Variants in GCA observed in about 807,000 individuals in gnomAD.
GCA encodes grancalcin, EF-hand calcium-binding protein.
Under a neutral mutation model 32.6 loss-of-function variants are expected in GCA, and 30 were observed. The ratio of observed to expected loss-of-function variants is 0.92; its 90% CI spans 0.69 to 1.25. The LOEUF (loss-of-function observed/expected upper bound fraction) is 1.25. Among genes scored for constraint, GCA ranks in the 50% most tolerant of loss-of-function variants. GCA has a pLI of 0.00. For synonymous variants in GCA, 102 were observed against 84.6 expected (o/e 1.21, Z -1.13); for missense variants, 291 against 266.8 (o/e 1.09, Z -0.63).
At chr2:162,342,632 G>T (rs1045734239), upstream of GCA, among the ~76,000 whole-genome samples, 1 of 152,202 alleles carries the variant, frequency 6.6e-6, no homozygotes, top group Non-Finnish European at 1.5e-5. Flanking sequence ...GTGCAGAAAG[G>T]CAAGAAACCC....
downstream of GCA, among the ~76,000 whole-genome samples, chr2:162,373,035 C>T (rs966260458): frequency 6.6e-6 from 1 of 152,128 alleles, no homozygotes; most frequent in Non-Finnish European, 1.5e-5. Flanking sequence ...TCCTCCCCTT[C>T]CTTCCTGAGA....
At position 162,359,390 on chromosome 2, in the gene GCA, A is replaced by G. The variant is rs1685455955; in HGVS notation, c.569-104A>G. On this transcript the variant is annotated intron_variant, in intron 6 of 7. Coordinates refer to ENST00000437150, the MANE Select transcript of GCA (RefSeq NM_012198.5). ...TGCCAGGGCTATTCAATCACTTAAT[A>G]TTTAATTGAATATGAAATTATTCTT... 3 of 611,202 alleles carry G rather than the reference A, an allele frequency of 4.9e-6. No individual in the cohort carries two copies. In the African/African-American group the frequency reaches 5.7e-5, roughly 12 times the overall value. 37.9% of individuals were successfully genotyped at this position (611,202 alleles called of 1,614,324 possible). A position where few individuals can be genotyped will look rare whatever the true frequency, so the allele number is the denominator to read the frequency against.
chr2:162,352,239 G>T (rs1685037836), intron 2 of GCA, 99 bp from the exon 3 acceptor site: 2 of 696,720 alleles, frequency 2.9e-6, no homozygotes, highest in Non-Finnish European at 5.1e-6. Context: ...ATGTTTCAAA[G>T]AATGCATATG....
At chr2:162,355,013 T>A (rs1453749415) in intron 3 of GCA, among the ~76,000 whole-genome samples, 1 of 152,200 alleles carries the variant, frequency 6.6e-6, no homozygotes, top group Admixed American at 6.5e-5. Context: ...ATTCTCCCAC[T>A]TTATGAATGT....
downstream of GCA, among the ~76,000 whole-genome samples, chr2:162,372,253 C>T (rs1051862450): frequency 6.6e-6 from 1 of 152,134 alleles, no homozygotes; most frequent in Non-Finnish European, 1.5e-5. Context: ...GTCAGGACGT[C>T]GGAGATTGGT....
intron 5 of GCA, 45 bp from the exon 6 acceptor site, chr2:162,358,999 C>G (rs752898618): frequency 3.3e-6 from 3 of 901,088 alleles, no homozygotes; most frequent in Non-Finnish European, 5.4e-6. Flanking sequence ...TTGCAGTGTT[C>G]TTATGTTATT....
chr2:162,361,473 G>A lies in GCA; in HGVS notation c.*1230G>A, dbSNP rs1453321925. 3.1e-6 allele frequency: 3 copies of A among 974,542 alleles called. No individual in the cohort carries two copies. 60.4% of individuals were successfully genotyped at this position (974,542 alleles called of 1,614,324 possible). A position where few individuals can be genotyped will look rare whatever the true frequency, so the allele number is the denominator to read the frequency against. Reference sequence around the variant, plus strand: ...CAGTGAGTGACATAATTTTATGACTGCTGACCAAATTAATTTATAGATTTT... The same window carrying A: ...CAGTGAGTGACATAATTTTATGACTACTGACCAAATTAATTTATAGATTTT... On this transcript the variant is annotated 3_prime_UTR_variant, in exon 8 of 8. Transcript: ENST00000437150.
At chr2:162,329,665 A>G (rs1684007201) in intron 1 of GCA, among the ~76,000 whole-genome samples, 3 of 150,982 alleles carry the variant, frequency 2.0e-5, no homozygotes, top group African/African-American at 7.3e-5. Flanking sequence ...TTATTTTATT[A>G]TAATAATAAT....
chr2:162,335,662 T>C (rs557110026), intron 1 of GCA, among the ~76,000 whole-genome samples: 2 of 152,330 alleles, frequency 1.3e-5, no homozygotes, highest in South Asian at 2.1e-4. Context: ...CTTGTTTAGA[T>C]ATATTGAGTT....
chr2:162,373,571 T>C, downstream of GCA: 1 of 1,594,210 alleles, frequency 6.3e-7, no homozygotes, highest in East Asian at 2.3e-5. Context: ...GATCCTGCTG[T>C]TACCATACTG....
chr2:162,329,050 A>C (rs1683985985), intron 1 of GCA, among the ~76,000 whole-genome samples: 1 of 151,162 alleles, frequency 6.6e-6, no homozygotes, highest in Admixed American at 6.6e-5. Flanking sequence ...TCTTCTGCTG[A>C]TGTTCTCCTC....
chr2:162,319,427 T>C (rs2105241539), intron 1 of GCA: 1 of 232,916 alleles, frequency 4.3e-6, no homozygotes, highest in African/African-American at 2.3e-5. Context: ...ATATACAACT[T>C]TCCTTTAATA....
Position 162,360,636 on chromosome 2 carries a change from G to T in GCA, c.*393G>T. On this transcript the variant is annotated 3_prime_UTR_variant, in exon 8 of 8. Transcript: ENST00000437150. ...ATACTTATCTGAAGGTTACAAATTAGACTTTTAAATTTTCTTTGTAGTTGG... is the reference window on the plus strand; with the variant it reads ...ATACTTATCTGAAGGTTACAAATTATACTTTTAAATTTTCTTTGTAGTTGG... The T allele has an allele frequency of 8.1e-7, 1 of 1,242,042 alleles. No individual in the cohort carries two copies. Among genetic ancestry groups the T allele is most frequent in the South Asian group, 3.3e-5 (1 of 30,484 alleles). 76.9% of individuals were successfully genotyped at this position (1,242,042 alleles called of 1,614,324 possible).
At chr2:162,357,915 A>G (rs1409174363) in intron 5 of GCA, among the ~76,000 whole-genome samples, 1 of 151,708 alleles carries the variant, frequency 6.6e-6, no homozygotes, top group Non-Finnish European at 1.5e-5. Flanking sequence ...TTTTCTGAGA[A>G]TACTATGGGA....
intron 3 of GCA, among the ~76,000 whole-genome samples, chr2:162,354,156 C>T (rs1685140914): frequency 6.6e-6 from 1 of 152,000 alleles, no homozygotes; most frequent in South Asian, 2.1e-4. Context: ...GTGCTTTTCT[C>T]AGTTATCTGA....
chr2:162,359,240 A>G, intron 6 of GCA, 83 bp downstream of exon 6: 2 of 789,850 alleles, frequency 2.5e-6, no homozygotes, highest in Non-Finnish European at 2.2e-6. Flanking sequence ...CAGCAAGTTT[A>G]TAATAATATG....
chr2:162,366,790 A>G (rs1330706335), downstream of GCA, among the ~76,000 whole-genome samples: 1 of 151,970 alleles, frequency 6.6e-6, no homozygotes, highest in African/African-American at 2.4e-5. Context: ...GACAAAAGCA[A>G]TATTTAACAA....
At chr2:162,355,173 G>A (rs1576294933) in intron 3 of GCA, among the ~76,000 whole-genome samples, 1 of 152,014 alleles carries the variant, frequency 6.6e-6, no homozygotes, top group South Asian at 2.1e-4. Context: ...CTGGGTCCCA[G>A]TTTCTTCCTT....
At chr2:162,349,792 C>T (rs1380986988) in intron 2 of GCA, among the ~76,000 whole-genome samples, 1 of 152,098 alleles carries the variant, frequency 6.6e-6, no homozygotes, top group Non-Finnish European at 1.5e-5. Context: ...GTTCTAATAC[C>T]ATACTAATGG....
Sources: gnomAD v4.1 joint callset for allele counts (sites outside exome capture counted in the v4.1 genomes callset) on GRCh38, gnomAD v4.1.1 for gene constraint, MANE v1.5 for transcripts, NCBI Gene and HGNC (gene_info 2026-07-23, HGNC 2026-07-21) for gene names.